SUSD6: variants seen among roughly 807,000 people sequenced by gnomAD.
SUSD6 encodes the protein sushi domain containing 6.
In SUSD6, 16 loss-of-function variants were observed where a neutral mutation model predicts 28.4. The ratio of observed to expected loss-of-function variants is 0.56; its 90% CI spans 0.38 to 0.86. The LOEUF (loss-of-function observed/expected upper bound fraction) is 0.86, where lower values mean the gene tolerates loss of function less well. SUSD6 is among the 40% of genes least tolerant of loss of function. The pLI is 0.00. For synonymous variants in SUSD6, 147 were observed against 159.6 expected (o/e 0.92, Z 0.59); for missense variants, 341 against 384.2 (o/e 0.89, Z 0.94).
intron 1 of SUSD6, among the ~76,000 whole-genome samples, chr14:69,615,277 C>T (rs1291847931): frequency 6.6e-6 from 1 of 152,152 alleles, no homozygotes; most frequent in East Asian, 1.9e-4. Flanking sequence ...GGTGGACTGT[C>T]CTTGCGCGTC....
At chr14:69,670,434 G>A (rs3784147) in intron 2 of SUSD6, 3 of 456,556 alleles carry the variant, frequency 6.6e-6, no homozygotes, top group African/African-American at 4.0e-5. Context: ...ACTCATTAGG[G>A]GGTCTCCTGA....
intron 1 of SUSD6, among the ~76,000 whole-genome samples, chr14:69,622,233 C>T (rs766051262): frequency 3.9e-5 from 6 of 152,150 alleles, no homozygotes; most frequent in Non-Finnish European, 5.9e-5. Flanking sequence ...GGTACCATCG[C>T]GGCTCGCTGC....
rs556949852 is a variant in SUSD6 at position 69,635,092 on chromosome 14, G to A, written c.-81+23264G>A. Among the ~76,000 whole-genome samples the A allele has an allele frequency of 1.8e-4, 27 of 152,290 alleles. No individual in the cohort carries two copies. The South Asian group carries it at 4.8e-3, about 27-fold the overall frequency. ...CGACGATGAAGATGATGATAATGTT[G>A]ATGATGATGGAGGACACTCAGTAGC... On this transcript the variant is annotated intron_variant, in intron 1 of 5. Coordinates refer to ENST00000342745, the MANE Select transcript of SUSD6 (RefSeq NM_014734.4).
intron 1 of SUSD6, among the ~76,000 whole-genome samples, chr14:69,645,118 T>C (rs1282801967): frequency 6.6e-6 from 1 of 152,184 alleles, no homozygotes; most frequent in Non-Finnish European, 1.5e-5. Context: ...TCCTGGAAGT[T>C]ACACAAGATG....
rs34640804 is a variant in SUSD6 at position 69,690,545 on chromosome 14, A to G, written c.122-12850A>G. 9.8e-3 allele frequency among the ~76,000 whole-genome samples: 1,489 copies of G among 152,324 alleles called. 10 individuals are homozygous for G. The highest frequency in any genetic ancestry group is 0.016 in the Non-Finnish European group (1,090 of 68,012). ...CTTCCAGGAGCACGGTATGCTGAGC[A>G]AGATGCAAAAGTTCAAAGTAGTGAA... On this transcript the variant is annotated intron_variant, in intron 2 of 5. Coordinates refer to ENST00000342745, the MANE Select transcript of SUSD6 (RefSeq NM_014734.4).
intron 2 of SUSD6, among the ~76,000 whole-genome samples, chr14:69,677,092 G>A (rs1885921103): frequency 6.6e-6 from 1 of 152,194 alleles, no homozygotes; most frequent in Non-Finnish European, 1.5e-5. Context: ...ATGAAACCAA[G>A]GAGGAATGGG....
chr14:69,667,276 T>G (rs1885755718), intron 2 of SUSD6, among the ~76,000 whole-genome samples: 1 of 152,076 alleles, frequency 6.6e-6, no homozygotes, highest in African/African-American at 2.4e-5. Flanking sequence ...CTCATTATGA[T>G]CCAGAGGCTG....
chr14:69,626,176 C>T (rs1399230770), intron 1 of SUSD6, among the ~76,000 whole-genome samples: 4 of 152,172 alleles, frequency 2.6e-5, no homozygotes, highest in Non-Finnish European at 5.9e-5. Flanking sequence ...CGAGATTCTC[C>T]TCCTCAAACT....
rs573750518 is a variant in SUSD6 at position 69,639,360 on chromosome 14, G to A, written c.-80-19153G>A. Among the ~76,000 whole-genome samples the A allele has an allele frequency of 2.0e-4, 30 of 148,550 alleles. No individual in the cohort carries two copies. In the East Asian group the frequency reaches 3.2e-3, roughly 16 times the overall value. On this transcript the variant is annotated intron_variant, in intron 1 of 5. Transcript: ENST00000342745. The stretch of plus-strand genomic sequence containing the variant: ...AAAAAGAAATAAGGCCAAACCTAGC[G>A]TTTAAAACAGAAGTTTAGAGCTGAA...
In SUSD6 at chr14:69,713,452, C is replaced by G. The variant is rs552982637; in HGVS notation, c.*2473C>G. 1 of 152,428 alleles carries G rather than the reference C, an allele frequency of 6.6e-6. No homozygotes were observed. Among genetic ancestry groups the G allele is most frequent in the Admixed American group, 6.5e-5 (1 of 15,308 alleles). 9.4% of individuals were successfully genotyped at this position (152,428 alleles called of 1,614,324 possible). On this transcript the variant is annotated 3_prime_UTR_variant, in exon 6 of 6. Coordinates refer to ENST00000342745, the MANE Select transcript of SUSD6 (RefSeq NM_014734.4). ...GGGCCTGTGAGTGCAGGAGCTCATTCTCCCCTCACTGCTGAAGTCTGTGAC... is the reference window on the plus strand; with the variant it reads ...GGGCCTGTGAGTGCAGGAGCTCATTGTCCCCTCACTGCTGAAGTCTGTGAC...
At chr14:69,630,319 C>G (rs771924022) in intron 1 of SUSD6, among the ~76,000 whole-genome samples, 3 of 152,268 alleles carry the variant, frequency 2.0e-5, no homozygotes, top group Admixed American at 6.5e-5. Context: ...GAGGTGGTCT[C>G]TCTCCCCCAA....
At chr14:69,709,953 G>A (rs1271694223) in intron 5 of SUSD6, among the ~76,000 whole-genome samples, 1 of 152,178 alleles carries the variant, frequency 6.6e-6, no homozygotes, top group African/African-American at 2.4e-5. Flanking sequence ...TATGCTTCCT[G>A]GGTATCCTGG....
rs142730828 is a variant in SUSD6, at chr14:69,681,767, T to C, written c.122-21628T>C. ...TGCAGTGATCATGGCAAAGGTAGGA[T>C]TGGATCTGTTGCATGCTGCCTTTTA... On this transcript the variant is annotated intron_variant, in intron 2 of 5. Transcript: ENST00000342745. 1.2e-3 allele frequency among the ~76,000 whole-genome samples: 178 copies of C among 152,246 alleles called. 2 individuals are homozygous for C. Among genetic ancestry groups the C allele is most frequent in the African/African-American group, 4.1e-3 (170 of 41,548 alleles).
chr14:69,678,405 T>C (rs1885946850), intron 2 of SUSD6, among the ~76,000 whole-genome samples: 1 of 151,560 alleles, frequency 6.6e-6, no homozygotes, highest in African/African-American at 2.4e-5. Flanking sequence ...GTTGCAATTA[T>C]TTGCAGTGAT....
At chr14:69,681,111 C>T (rs571413367) in intron 2 of SUSD6, among the ~76,000 whole-genome samples, 2 of 152,310 alleles carry the variant, frequency 1.3e-5, no homozygotes, top group South Asian at 4.1e-4. Context: ...TTCCTACATG[C>T]CTTTCCTTCA....
Position 69,658,733 on chromosome 14 carries a change from C to T in SUSD6, c.121+20C>T, listed in dbSNP as rs1482570970. The T allele has an allele frequency of 1.2e-6, 2 of 1,613,754 alleles. No individual in the cohort carries two copies. The highest frequency in any genetic ancestry group is 2.7e-5 in the African/African-American group (2 of 75,010). On this transcript the variant is annotated intron_variant, in intron 2 of 5. Coordinates refer to ENST00000342745, the MANE Select transcript of SUSD6 (RefSeq NM_014734.4). ...CTTCCGGTAAGTCCTGACCTGCCTT[C>T]TGTGTGTGGGTGGGAAAATATTTAA...
chr14:69,694,819 A>C (rs1290088740), intron 2 of SUSD6, among the ~76,000 whole-genome samples: 1 of 152,128 alleles, frequency 6.6e-6, no homozygotes, highest in African/African-American at 2.4e-5. Flanking sequence ...CCAGGCCTAA[A>C]ACAAGATGGA....
intron 2 of SUSD6, among the ~76,000 whole-genome samples, chr14:69,694,613 A>G (rs1215169418): frequency 2.6e-5 from 4 of 152,166 alleles, no homozygotes; most frequent in Non-Finnish European, 5.9e-5. Flanking sequence ...CTTTTGACTG[A>G]ATGACTAAGG....
At chr14:69,689,073 C>G (rs1886116229) in intron 2 of SUSD6, among the ~76,000 whole-genome samples, 1 of 152,190 alleles carries the variant, frequency 6.6e-6, no homozygotes, top group Non-Finnish European at 1.5e-5. Context: ...CCACCATGTT[C>G]TTCCCACTCT....
Sources: gnomAD v4.1 joint callset for allele counts (sites outside exome capture counted in the v4.1 genomes callset) on GRCh38, gnomAD v4.1.1 for gene constraint, MANE v1.5 for transcripts, NCBI Gene and HGNC (gene_info 2026-07-23, HGNC 2026-07-21) for gene names.